VARS1: variants seen among roughly 807,000 people sequenced by gnomAD.
VARS1 encodes valyl-tRNA synthetase 1.
In VARS1, 92 loss-of-function variants were observed where a neutral mutation model predicts 161.0. The observed-to-expected ratio is 0.57, with a 90% CI of 0.48 to 0.68. VARS1 has a LOEUF of 0.68. VARS1 is among the 30% of genes least tolerant of loss of function. The pLI is 0.00. For missense variants in VARS1, 1,338 were observed against 1,695.9 expected (o/e 0.79, Z 3.71); for synonymous variants, 595 against 682.5 (o/e 0.87, Z 2.00).
rs780701243 is a variant in VARS1 at position 31,795,040 on chromosome 6, G to A, written c.178C>T (p.Leu60=). The A allele has an allele frequency of 3.2e-6, 5 of 1,558,708 alleles. 1 individual carries two copies. In the Admixed American group the frequency reaches 9.9e-5, roughly 31 times the overall value. The change falls in exon 2 of 30, where the codon CTG becomes TTG. Residue 60 remains leucine (L), a synonymous_variant. Coordinates refer to ENST00000375663, the MANE Select transcript of VARS1 (RefSeq NM_006295.3). The surrounding 1 kb of genome is among the most constrained non-coding windows in gnomAD (Gnocchi z 6.9). The stretch of plus-strand genomic sequence containing the variant: ...CAGAGCCCACCGGGCCCCTGCTCCA[G>A]GGCCGGCAGGCGGGGTGGGGGAAAG... ...TPFPPPRLPA[L]EQGPGGLWVW...
chr6:31,780,282 C>A lies in VARS1; in HGVS notation c.2926-129G>T. 6.6e-7 allele frequency: 1 copy of A among 1,520,736 alleles called. No homozygotes were observed. 94.2% of individuals were successfully genotyped at this position (1,520,736 alleles called of 1,614,324 possible). ...AAAGCAACCACCTATGTGCCAGGAT[C>A]TGGGAAGAAGTGACAGGCCCCAGCC... On this transcript the variant is annotated intron_variant, in intron 25 of 29. Coordinates refer to ENST00000375663, the MANE Select transcript of VARS1 (RefSeq NM_006295.3). The surrounding 1 kb of genome is among the most constrained non-coding windows in gnomAD (Gnocchi z 5.1).
Position 31,780,883 on chromosome 6 carries a change from G to A in VARS1, c.2705C>T (p.Ala902Val), listed in dbSNP as rs1813097263. 1.2e-6 allele frequency: 2 copies of A among 1,614,026 alleles called. No homozygotes were observed. Among genetic ancestry groups the A allele is most frequent in the South Asian group, 2.2e-5 (2 of 91,092 alleles). The change falls in exon 23 of 30, where the codon GCC becomes GTC. Residue 902 changes from alanine (A) to valine (V), a missense_variant. Ala to Val is a moderately conservative substitution (Grantham distance 64, BLOSUM62 0). This residue lies in a region of VARS1 where 433 missense variants were observed against 586.2 expected (regional missense o/e 0.74). Transcript: ENST00000375663. The surrounding 1 kb of genome is among the most constrained non-coding windows in gnomAD (Gnocchi z 5.1). ...SNLDPSEVEK[A>V]KEGQKADFPA... ...AACCCTCCATACCTGCCCTTCTTTG[G>A]CCTTCTCCACCTCGCTGGGATCCAG...
At chr6:31,786,541 C>T (rs1813518332) in intron 8 of VARS1, among the ~76,000 whole-genome samples, 1 of 151,660 alleles carries the variant, frequency 6.6e-6, no homozygotes. Context: ...TGGTGCATAC[C>T]TGTAATCCCA....
chr6:31,785,851 C>G lies in VARS1; in HGVS notation c.1101-118G>C. 1 of 1,326,760 alleles carries G rather than the reference C, an allele frequency of 7.5e-7. No homozygotes were observed. The highest frequency in any genetic ancestry group is 1.0e-6 in the Non-Finnish European group (1 of 990,520). 82.2% of individuals were successfully genotyped at this position (1,326,760 alleles called of 1,614,324 possible). A position where few individuals can be genotyped will look rare whatever the true frequency, so the allele number is the denominator to read the frequency against. ...TAAATAAAGAAGCAGGGAGGCCGGACGCGGTGGCTCACGCCTGTAATCCCA... is the reference window on the plus strand; with the variant it reads ...TAAATAAAGAAGCAGGGAGGCCGGAGGCGGTGGCTCACGCCTGTAATCCCA... On this transcript the variant is annotated intron_variant, in intron 8 of 29. Coordinates refer to ENST00000375663, the MANE Select transcript of VARS1 (RefSeq NM_006295.3). This position sits in a 1 kb window ranked among gnomAD's most constrained non-coding sequence, Gnocchi z 6.1.
rs1384775275 is a variant in VARS1 at position 31,781,768 on chromosome 6, G to A, written c.2348-7C>T. ...GTATCCAATACATCCTCATCTGAGA[G>A]AGGCCAAAGGTCAGAGGTCAGAGGG... On this transcript the variant is annotated splice_polypyrimidine_tract_variant and splice_region_variant and intron_variant, in intron 19 of 29. Coordinates refer to ENST00000375663, the MANE Select transcript of VARS1 (RefSeq NM_006295.3). This position sits in a 1 kb window ranked among gnomAD's most constrained non-coding sequence, Gnocchi z 6.8. The A allele has an allele frequency of 3.1e-5, 50 of 1,612,962 alleles. No individual in the cohort carries two copies. Among genetic ancestry groups the A allele is most frequent in the Non-Finnish European group, 4.0e-5 (47 of 1,180,048 alleles).
Position 31,791,656 on chromosome 6 carries a change from G to A in VARS1, c.1054C>T (p.Leu352=), listed in dbSNP as rs751867424. 1 of 1,612,994 alleles carries A rather than the reference G, an allele frequency of 6.2e-7. No homozygotes were observed. Among genetic ancestry groups the A allele is most frequent in the Non-Finnish European group, 8.5e-7 (1 of 1,179,978 alleles). Residue 352 remains leucine, a synonymous_variant, in exon 8 of 30, where the codon CTG becomes TTG. Transcript: ENST00000375663. The surrounding 1 kb of genome is among the most constrained non-coding windows in gnomAD (Gnocchi z 5.0). ...PPPNVTGSLH[L]GHALTNAIQD... ...ATGGCGTTGGTGAGTGCATGGCCCA[G>A]GTGCAGGGAGCCTGTCACATTGGGG...
chr6:31,789,072 G>A (rs1581653941), intron 8 of VARS1, among the ~76,000 whole-genome samples: 1 of 151,902 alleles, frequency 6.6e-6, no homozygotes, highest in East Asian at 1.9e-4. Flanking sequence ...AAAAAGATTT[G>A]TCACCTAGAA....
rs562668375 is a variant in VARS1, at chr6:31,782,901, C to G, written c.1763-56G>C. On this transcript the variant is annotated intron_variant, in intron 14 of 29. Transcript: ENST00000375663. This position sits in a 1 kb window ranked among gnomAD's most constrained non-coding sequence, Gnocchi z 8.3. ...AGGGACTCCACGGAGTTCCTTCCTACACTCACCTCTTTTGCTGAAGGATGT... is the reference window on the plus strand; with the variant it reads ...AGGGACTCCACGGAGTTCCTTCCTAGACTCACCTCTTTTGCTGAAGGATGT... The G allele has an allele frequency of 6.3e-7, 1 of 1,576,270 alleles. No homozygotes were observed. The highest frequency in any genetic ancestry group is 2.2e-5 in the East Asian group (1 of 44,584).
Position 31,785,339 on chromosome 6 carries a change from C to A in VARS1, c.1266-12G>T, listed in dbSNP as rs202220260. The stretch of plus-strand genomic sequence containing the variant: ...TCCGGTCACCTTTCCTGGAAGCAGA[C>A]AGGCTGAGGTCAGCACTCGTGCCTG... On this transcript the variant is annotated splice_polypyrimidine_tract_variant and intron_variant, in intron 9 of 29. Coordinates refer to ENST00000375663, the MANE Select transcript of VARS1 (RefSeq NM_006295.3). The surrounding 1 kb of genome is among the most constrained non-coding windows in gnomAD (Gnocchi z 6.1). 1.2e-6 allele frequency: 2 copies of A among 1,613,060 alleles called. No individual in the cohort carries two copies. Among genetic ancestry groups the A allele is most frequent in the South Asian group, 2.2e-5 (2 of 91,084 alleles).
Position 31,785,043 on chromosome 6 carries a change from C to A in VARS1, c.1347+203G>T, listed in dbSNP as rs1178081937. On this transcript the variant is annotated intron_variant, in intron 10 of 29. Coordinates refer to ENST00000375663, the MANE Select transcript of VARS1 (RefSeq NM_006295.3). This position sits in a 1 kb window ranked among gnomAD's most constrained non-coding sequence, Gnocchi z 6.1. ...CTGGAGGAATCTGGAGCTCCCAGAG[C>A]CAAGACAGGGAACATGAAGGGCCAT... Among the ~76,000 whole-genome samples, 1 of 152,126 alleles carries A rather than the reference C, an allele frequency of 6.6e-6. No individual in the cohort carries two copies. Among genetic ancestry groups the A allele is most frequent in the Non-Finnish European group, 1.5e-5 (1 of 68,020 alleles).
Position 31,779,442 on chromosome 6 carries a change from G to T in VARS1, c.3383C>A (p.Thr1128Asn), listed in dbSNP as rs768376174. The T allele has an allele frequency of 1.9e-6, 3 of 1,612,182 alleles. No homozygotes were observed. The highest frequency in any genetic ancestry group is 2.2e-5 in the East Asian group (1 of 44,886). ...AGGCTCACAGTCAGGCCGGATCCGG[G>T]TGAGGTTGTAGTCGGCCCGCAGGGA... The part of the protein sequence containing the change: ...VRSLRADYNL[T>N]RIRPDCFLEV... The change falls in exon 28 of 30, where the codon ACC becomes AAC. Residue 1128 changes from threonine (T) to asparagine (N), a missense_variant. By Grantham distance (65) the Thr-to-Asn change is moderately conservative. Coordinates refer to ENST00000375663, the MANE Select transcript of VARS1 (RefSeq NM_006295.3). The surrounding 1 kb of genome is among the most constrained non-coding windows in gnomAD (Gnocchi z 9.1).
chr6:31,782,613 G>A lies in VARS1; in HGVS notation c.1908C>T (p.Ala636=). 1 of 1,613,036 alleles carries A rather than the reference G, an allele frequency of 6.2e-7. No individual in the cohort carries two copies. Residue 636 remains alanine (A), a synonymous_variant, in exon 16 of 30, where the codon GCC becomes GCT. Transcript: ENST00000375663. This position sits in a 1 kb window ranked among gnomAD's most constrained non-coding sequence, Gnocchi z 8.3. ...PPFLGLPRFE[A]RKAVLVALKE... is the part of the protein sequence containing the mutation. ...TCAGCGCCACCAGCACCGCTTTCCT[G>A]GCCTCAAACCTGGGCAGGCCCTGGG...
Position 31,783,135 on chromosome 6 carries a change from T to TG in VARS1, c.1722dup (p.Ile575HisfsTer5). ...ATGTCCACAAATTCATCGAAGACAATGGGAAGGCTCCGAGACAGGAATGGG... is the reference window on the plus strand; with the variant it reads ...ATGTCCACAAATTCATCGAAGACAATGGGGAAGGCTCCGAGACAGGAATGGG... On this transcript the variant is annotated frameshift_variant, in exon 14 of 30. Coordinates refer to ENST00000375663, the MANE Select transcript of VARS1 (RefSeq NM_006295.3). LOFTEE classifies it high-confidence loss of function. 1 of 1,612,620 alleles carries TG rather than the reference T, an allele frequency of 6.2e-7. No individual in the cohort carries two copies. Among genetic ancestry groups the TG allele is most frequent in the Non-Finnish European group, 8.5e-7 (1 of 1,179,928 alleles).
At chr6:31,793,163 C>T in intron 2 of VARS1, 43 bp from the exon 3 acceptor site, 1 of 1,552,198 alleles carries the variant, frequency 6.4e-7, no homozygotes, top group Non-Finnish European at 8.6e-7. Context: ...TTTGGCCCAC[C>T]TCCATCTCCC....
chr6:31,779,953 C>A lies in VARS1; in HGVS notation c.3081+45G>T, dbSNP rs941715. ...CAAAACTGAGCCCAGGGCTCTGCTG[C>A]CCACCTGCCCCCACCATCCCCTGCC... is the stretch of plus-strand genomic sequence containing the variant. On this transcript the variant is annotated intron_variant, in intron 26 of 29. Coordinates refer to ENST00000375663, the MANE Select transcript of VARS1 (RefSeq NM_006295.3). The surrounding 1 kb of genome is among the most constrained non-coding windows in gnomAD (Gnocchi z 9.1). 4.3e-6 allele frequency: 7 copies of A among 1,609,244 alleles called. No individual in the cohort carries two copies. The Admixed American group carries it at 6.7e-5, about 15-fold the overall frequency.
chr6:31,778,680 T>G lies in VARS1; in HGVS notation c.3726+287A>C. On this transcript the variant is annotated intron_variant, in intron 29 of 29. Transcript: ENST00000375663. This position sits in a 1 kb window ranked among gnomAD's most constrained non-coding sequence, Gnocchi z 5.1. ...GTGTGCCACTATGGCCAGCTAATTTTTGTATTTTTGTTGTAGAGATGGGAT... is the reference window on the plus strand; with the variant it reads ...GTGTGCCACTATGGCCAGCTAATTTGTGTATTTTTGTTGTAGAGATGGGAT... The G allele has an allele frequency of 2.0e-6, 1 of 504,472 alleles. No individual in the cohort carries two copies. 31.2% of individuals were successfully genotyped at this position (504,472 alleles called of 1,614,324 possible). A position where few individuals can be genotyped will look rare whatever the true frequency, so the allele number is the denominator to read the frequency against.
At position 31,784,581 on chromosome 6, in the gene VARS1, G is replaced by A; in HGVS notation, c.1467+14C>T. On this transcript the variant is annotated intron_variant, in intron 11 of 29. Coordinates refer to ENST00000375663, the MANE Select transcript of VARS1 (RefSeq NM_006295.3). This position sits in a 1 kb window ranked among gnomAD's most constrained non-coding sequence, Gnocchi z 6.1. Reference sequence around the variant, plus strand: ...TAGATTGGAGATGGAGACAGGCCAGGTTGGGGGGCGCACCTCAATGTCAGA... The same window carrying A: ...TAGATTGGAGATGGAGACAGGCCAGATTGGGGGGCGCACCTCAATGTCAGA... 1 of 1,613,390 alleles carries A rather than the reference G, an allele frequency of 6.2e-7. No individual in the cohort carries two copies. The highest frequency in any genetic ancestry group is 8.5e-7 in the Non-Finnish European group (1 of 1,180,048).
In VARS1 at chr6:31,785,571, C is replaced by G; in HGVS notation, c.1263G>C (p.Glu421Asp). The G allele has an allele frequency of 6.2e-7, 1 of 1,605,846 alleles. No individual in the cohort carries two copies. Among genetic ancestry groups the G allele is most frequent in the Non-Finnish European group, 8.5e-7 (1 of 1,176,550 alleles). ...AFLQEVWKWK[E>D]EKGDRIYHQL... ...CCACAGGGATGCTGCATACTCACTC[C>G]TCCTTCCACTTCCAGACTTCCTGTA... is the stretch of plus-strand genomic sequence containing the variant. Residue 421 changes from glutamate to aspartate, a missense_variant and splice_region_variant, in exon 9 of 30, where the codon GAG becomes GAC. By Grantham distance (45) the Glu-to-Asp change is conservative. Coordinates refer to ENST00000375663, the MANE Select transcript of VARS1 (RefSeq NM_006295.3). The surrounding 1 kb of genome is among the most constrained non-coding windows in gnomAD (Gnocchi z 6.1).
rs773928411 is a variant in VARS1, at chr6:31,793,045, C to T, written c.463G>A (p.Glu155Lys). 2 of 1,613,062 alleles carry T rather than the reference C, an allele frequency of 1.2e-6. No individual in the cohort carries two copies. Among genetic ancestry groups the T allele is most frequent in the Non-Finnish European group, 1.7e-6 (2 of 1,180,030 alleles). Reference sequence around the variant, plus strand: ...GCCAGGTCAGCCAGAGTGGGGGCCTCCCCGGCCAAGTAGGTGTGCAGCCGA... The same window carrying T: ...GCCAGGTCAGCCAGAGTGGGGGCCTTCCCGGCCAAGTAGGTGTGCAGCCGA... The part of the protein sequence containing the change: ...WLRLHTYLAG[E>K]APTLADLAAV... Residue 155 changes from glutamate to lysine, a missense_variant, in exon 3 of 30, where the codon GAG (glutamate) becomes AAG (lysine). By Grantham distance (56) the Glu-to-Lys change is moderately conservative (BLOSUM62 1). Around this residue, in one of 3 missense-constraint regions of VARS1, gnomAD observed 902 missense variants for 1,090.3 expected, o/e 0.83. Transcript: ENST00000375663.
Sources: gnomAD v4.1 joint callset for allele counts (sites outside exome capture counted in the v4.1 genomes callset) on GRCh38, gnomAD v4.1.1 for gene constraint, gnomAD v4.1.1 regional missense constraint, Gnocchi (gnomAD v3.1) non-coding constraint, MANE v1.5 for transcripts, NCBI Gene and HGNC (gene_info 2026-07-23, HGNC 2026-07-21) for gene names.